The following TMEM72 variants were observed in gnomAD, a reference collection of about 807,000 sequenced individuals.
TMEM72 encodes transmembrane protein 72, also known as kidney-specific secretory protein of 37 kDa.
A neutral mutation model predicts 16.3 loss-of-function variants in TMEM72; 9 were observed. The ratio of observed to expected loss-of-function variants is 0.55; its 90% CI spans 0.33 to 0.96. The LOEUF (loss-of-function observed/expected upper bound fraction) is 0.96. TMEM72 is among the 40% of genes least tolerant of loss of function. The pLI is 0.03. For synonymous variants in TMEM72, 160 were observed against 146.5 expected (o/e 1.09, Z -0.66); for missense variants, 324 against 337.8 (o/e 0.96, Z 0.32).
At chr10:44,924,494 C>T (rs544469043) in intron 1 of TMEM72, among the ~76,000 whole-genome samples, 1 of 151,606 alleles carries the variant, frequency 6.6e-6, no homozygotes, top group East Asian at 2.0e-4. Flanking sequence ...CACAGAAGAC[C>T]AGGTGGGCCT....
In TMEM72 at chr10:44,911,346, T is replaced by C. The variant is rs1325048145; in HGVS notation, c.-167T>C. On this transcript the variant is annotated 5_prime_UTR_variant, in exon 1 of 5. Transcript: ENST00000389583. ...TGAGAGCACAGAAGGTGAGCCCTATTCACACCTCGGCCAGGCTGCGGTGGC... is the reference window on the plus strand; with the variant it reads ...TGAGAGCACAGAAGGTGAGCCCTATCCACACCTCGGCCAGGCTGCGGTGGC... 4 of 638,570 alleles carry C rather than the reference T, an allele frequency of 6.3e-6. No individual in the cohort carries two copies. The highest frequency in any genetic ancestry group is 1.9e-5 in the South Asian group (1 of 53,068). The allele number at this position is 638,570 out of a possible 1,614,324, so 39.6% of individuals were successfully genotyped here.
At position 44,931,990 on chromosome 10, in the gene TMEM72, AC is replaced by A. The variant is rs1840304612; in HGVS notation, c.138-6del. The A allele has an allele frequency of 6.2e-7, 1 of 1,611,494 alleles. No homozygotes were observed. Among genetic ancestry groups the A allele is most frequent in the African/African-American group, 1.3e-5 (1 of 74,888 alleles). ...GCGCCAGCCTCCCTCACCTGTCTCC[AC>A]CTGCAGGTTTACAGGAGCCGCTGTC... On this transcript the variant is annotated splice_region_variant and splice_polypyrimidine_tract_variant and intron_variant, in intron 2 of 4. Coordinates refer to ENST00000389583, the MANE Select transcript of TMEM72 (RefSeq NM_001123376.3).
At chr10:44,926,124 C>T (rs961613305) in intron 1 of TMEM72, among the ~76,000 whole-genome samples, 2 of 151,250 alleles carry the variant, frequency 1.3e-5, no homozygotes, top group Admixed American at 6.6e-5. Context: ...TACACACATA[C>T]ATACACTCAC....
At chr10:44,923,622 G>A (rs1840138417) in intron 1 of TMEM72, among the ~76,000 whole-genome samples, 1 of 152,182 alleles carries the variant, frequency 6.6e-6, no homozygotes, top group Non-Finnish European at 1.5e-5. Context: ...GTATGGAGAG[G>A]GCCTACTGTC....
chr10:44,914,228 G>A (rs1036014536), intron 1 of TMEM72, among the ~76,000 whole-genome samples: 2 of 152,228 alleles, frequency 1.3e-5, no homozygotes, highest in Non-Finnish European at 2.9e-5. Flanking sequence ...GGGTTGTAGA[G>A]CACAGACGGA....
At position 44,935,123 on chromosome 10, in the gene TMEM72, G is replaced by T; in HGVS notation, c.817G>T (p.Gly273Cys). The T allele has an allele frequency of 6.3e-7, 1 of 1,592,050 alleles. No homozygotes were observed. Among genetic ancestry groups the T allele is most frequent in the Non-Finnish European group, 8.6e-7 (1 of 1,168,856 alleles). The change falls in exon 5 of 5, where the codon GGC (glycine) becomes TGC (cysteine). Residue 273 changes from glycine to cysteine, a missense_variant. Transcript: ENST00000389583. ...PLFLSSLTAT[G>C]LF ...CTTCCTGTCATCTCTTACAGCCACC[G>T]GCCTGTTCTGAGCGCTTGCTCCAGC... is the stretch of plus-strand genomic sequence containing the variant.
intron 1 of TMEM72, among the ~76,000 whole-genome samples, chr10:44,913,275 A>G (rs1839963584): frequency 6.6e-6 from 1 of 152,160 alleles, no homozygotes; most frequent in Non-Finnish European, 1.5e-5. Flanking sequence ...TAAAATGCCA[A>G]GAATCCCACA....
chr10:44,935,550 C>A lies in TMEM72; in HGVS notation c.*416C>A, dbSNP rs1840387463. On this transcript the variant is annotated 3_prime_UTR_variant, in exon 5 of 5. Coordinates refer to ENST00000389583, the MANE Select transcript of TMEM72 (RefSeq NM_001123376.3). ...ACTCAGTGAGGAACCTATGGTCCACCCATCTCTGCAGGCCCAGGGAAGTGT... is the reference window on the plus strand; with the variant it reads ...ACTCAGTGAGGAACCTATGGTCCACACATCTCTGCAGGCCCAGGGAAGTGT... The A allele has an allele frequency of 6.1e-6, 1 of 164,918 alleles. No homozygotes were observed. Among genetic ancestry groups the A allele is most frequent in the Admixed American group, 6.3e-5 (1 of 15,758 alleles). The allele number at this position is 164,918 out of a possible 1,614,324, so 10.2% of individuals were successfully genotyped here. A position where few individuals can be genotyped will look rare whatever the true frequency, so the allele number is the denominator to read the frequency against.
intron 2 of TMEM72, among the ~76,000 whole-genome samples, chr10:44,930,522 A>G (rs1158106571): frequency 6.6e-6 from 1 of 152,210 alleles, no homozygotes; most frequent in South Asian, 2.1e-4. Context: ...TATAGTACTT[A>G]TTATAAAATT....
intron 1 of TMEM72, among the ~76,000 whole-genome samples, chr10:44,921,492 G>T (rs909530330): frequency 6.6e-6 from 1 of 152,230 alleles, no homozygotes; most frequent in East Asian, 1.9e-4. Context: ...GTGTCATGAG[G>T]CTCTGATTCT....
intron 1 of TMEM72, among the ~76,000 whole-genome samples, chr10:44,926,219 TCA>T (rs1271316108): frequency 6.6e-6 from 1 of 151,670 alleles, no homozygotes; most frequent in East Asian, 1.9e-4. Context: ...ATACATGCAC[TCA>T]CAAGCCTACA....
At chr10:44,915,304 A>T (rs757839432) in intron 1 of TMEM72, among the ~76,000 whole-genome samples, 1 of 152,208 alleles carries the variant, frequency 6.6e-6, no homozygotes. Context: ...CTCAAATAAT[A>T]CTCAAAGCCC....
intron 1 of TMEM72, among the ~76,000 whole-genome samples, chr10:44,926,660 T>A (rs1045333311): frequency 3.3e-5 from 5 of 152,102 alleles, no homozygotes; most frequent in African/African-American, 1.2e-4. Context: ...ATGTGGGCAG[T>A]CGCCCATGAA....
At position 44,933,932 on chromosome 10, in the gene TMEM72, G is replaced by A. The variant is rs531849331; in HGVS notation, c.349+156G>A. ...TAGAGGGTGGACATGAGGAATCATCGGAATGCCAGACATACTCCATGCTGA... is the reference window on the plus strand; with the variant it reads ...TAGAGGGTGGACATGAGGAATCATCAGAATGCCAGACATACTCCATGCTGA... On this transcript the variant is annotated intron_variant, in intron 4 of 4. Coordinates refer to ENST00000389583, the MANE Select transcript of TMEM72 (RefSeq NM_001123376.3). 9.4e-4 allele frequency among the ~76,000 whole-genome samples: 143 copies of A among 152,246 alleles called. 1 individual carries two copies. The highest frequency in any genetic ancestry group is 1.1e-3 in the Non-Finnish European group (78 of 68,016).
chr10:44,926,228 TAC>T (rs1041024628), intron 1 of TMEM72, among the ~76,000 whole-genome samples: 11 of 151,816 alleles, frequency 7.2e-5, no homozygotes, highest in South Asian at 2.1e-4. Flanking sequence ...CTCACAAGCC[TAC>T]ACACACACAC....
chr10:44,925,418 G>C (rs143751917), intron 1 of TMEM72, among the ~76,000 whole-genome samples: 1 of 152,216 alleles, frequency 6.6e-6, no homozygotes, highest in Non-Finnish European at 1.5e-5. Flanking sequence ...GACGTGTCAC[G>C]TAAGTGGAGC....
chr10:44,930,327 G>A (rs1469993350), intron 2 of TMEM72, among the ~76,000 whole-genome samples: 3 of 152,140 alleles, frequency 2.0e-5, no homozygotes, highest in Non-Finnish European at 4.4e-5. Context: ...AAAAGGCAGT[G>A]GCAATTATTT....
rs78206770 is a variant in TMEM72, at chr10:44,920,720, G to A, written c.71-7201G>A. Among the ~76,000 whole-genome samples, 84 of 152,292 alleles carry A rather than the reference G, an allele frequency of 5.5e-4. 2 individuals are homozygous for A. The East Asian group carries it at 0.015, about 27-fold the overall frequency. On this transcript the variant is annotated intron_variant, in intron 1 of 4. Coordinates refer to ENST00000389583, the MANE Select transcript of TMEM72 (RefSeq NM_001123376.3). Reference sequence around the variant, plus strand: ...TCTTATAATAGCTTTCCTAGCCATCGTCTGCATTTGTGCAGCACTCTCATT... The same window carrying A: ...TCTTATAATAGCTTTCCTAGCCATCATCTGCATTTGTGCAGCACTCTCATT...
At chr10:44,926,063 ACACT>A (rs1310860643) in intron 1 of TMEM72, among the ~76,000 whole-genome samples, 4 of 151,898 alleles carry the variant, frequency 2.6e-5, no homozygotes, top group South Asian at 2.1e-4. Context: ...ATATATAATC[ACACT>A]CACATTCACA....
Sources: allele counts gnomAD v4.1 joint callset (sites outside exome capture counted in the v4.1 genomes callset), GRCh38; gene constraint gnomAD v4.1.1; transcripts MANE v1.5; gene names NCBI Gene and HGNC (gene_info 2026-07-23, HGNC 2026-07-21).